Variants in ERG observed in about 807,000 individuals in gnomAD.
ERG encodes the protein ETS transcription factor ERG.
Under a neutral mutation model 55.3 loss-of-function variants are expected in ERG, and 9 were observed. That is an observed-to-expected ratio of 0.16 (90% CI 0.10 to 0.28). The LOEUF (loss-of-function observed/expected upper bound fraction) is 0.28. Ranked by LOEUF, ERG falls within the 10% of genes least tolerant of loss-of-function variation. The probability of loss-of-function intolerance (pLI) is 1.00; values close to 1 mark genes in which losing one functional copy is unlikely to be tolerated. For synonymous variants in ERG, 223 were observed against 237.3 expected, an observed-to-expected ratio of 0.94 and a Z score of 0.55; for missense variants, 434 against 631.6, an observed-to-expected ratio of 0.69 and a Z score of 3.35.
chr21:38,597,418 G>A (rs1280762541), intron 1 of ERG, among the ~76,000 whole-genome samples: 2 of 151,592 alleles, frequency 1.3e-5, no homozygotes, highest in Non-Finnish European at 2.9e-5. Context: ...AAAGATGGGT[G>A]TAATAAGATT....
chr21:38,603,210 C>T (rs11702164), intron 1 of ERG, among the ~76,000 whole-genome samples: 30,795 of 151,906 alleles, frequency 0.2, 3,808 homozygotes, highest in Non-Finnish European at 0.28. Flanking sequence ...CGAAACGCAG[C>T]TTACATCCAG....
intron 2 of ERG, among the ~76,000 whole-genome samples, chr21:38,522,038 A>G (rs1360263237): frequency 6.6e-6 from 1 of 152,226 alleles, no homozygotes; most frequent in African/African-American, 2.4e-5. Flanking sequence ...TACAATAACT[A>G]CAAGCTGTAT....
intron 3 of ERG, among the ~76,000 whole-genome samples, chr21:38,409,571 G>A (rs1988946118): frequency 6.6e-6 from 1 of 151,644 alleles, no homozygotes; most frequent in Admixed American, 6.6e-5. Context: ...CAGGAAAAAT[G>A]GGAAAGGCTT....
chr21:38,428,342 AC>A (rs1989939781), intron 2 of ERG, among the ~76,000 whole-genome samples: 1 of 152,144 alleles, frequency 6.6e-6, no homozygotes, highest in African/African-American at 2.4e-5. Flanking sequence ...CTCCACTGCA[AC>A]CCCACCTTCA....
At chr21:38,403,365 G>C in intron 4 of ERG, 141 bp downstream of exon 4, 1 of 764,076 alleles carries the variant, frequency 1.3e-6, no homozygotes, top group East Asian at 2.7e-5. Flanking sequence ...CACATACCAA[G>C]CATGTGGCTC....
At chr21:38,437,942 A>C (rs751687342) in intron 2 of ERG, among the ~76,000 whole-genome samples, 1 of 152,180 alleles carries the variant, frequency 6.6e-6, no homozygotes, top group African/African-American at 2.4e-5. Context: ...CAAGTCCCCT[A>C]ATGATTTCTG....
intron 1 of ERG, among the ~76,000 whole-genome samples, chr21:38,494,749 C>T (rs1280153018): frequency 6.6e-6 from 1 of 152,198 alleles, no homozygotes; most frequent in African/African-American, 2.4e-5. Context: ...GGAAGAAAAG[C>T]CCACAGATGG....
intron 6 of ERG, among the ~76,000 whole-genome samples, chr21:38,398,934 A>AT (rs1219265097): frequency 6.6e-6 from 1 of 152,050 alleles, no homozygotes; most frequent in African/African-American, 2.4e-5. Flanking sequence ...AAGTAAAAAA[A>AT]TTTTTAAAAC....
chr21:38,395,371 A>G (rs886759938), intron 6 of ERG: 2 of 225,976 alleles, frequency 8.9e-6, no homozygotes, highest in African/African-American at 4.5e-5. Flanking sequence ...TCCTCTATGT[A>G]TCTTTGCTAT....
At chr21:38,601,110 A>G (rs1231947850) in intron 1 of ERG, among the ~76,000 whole-genome samples, 1 of 152,220 alleles carries the variant, frequency 6.6e-6, no homozygotes, top group Non-Finnish European at 1.5e-5. Context: ...GACAGATGTC[A>G]AGGGGATCAC....
At chr21:38,659,157 A>G (rs1303015622) in intron 1 of ERG, among the ~76,000 whole-genome samples, 1 of 152,218 alleles carries the variant, frequency 6.6e-6, no homozygotes, top group African/African-American at 2.4e-5. Flanking sequence ...AAAGCCATTG[A>G]CCCAAACCGA....
At chr21:38,403,244 G>A (rs1043727205) in intron 4 of ERG, among the ~76,000 whole-genome samples, 1 of 152,084 alleles carries the variant, frequency 6.6e-6, no homozygotes, top group Non-Finnish European at 1.5e-5. Context: ...CTTCTTGGTC[G>A]CAGGACCCTG....
At chr21:38,532,318 C>T (rs2059678392) in intron 2 of ERG, among the ~76,000 whole-genome samples, 1 of 151,698 alleles carries the variant, frequency 6.6e-6, no homozygotes, top group African/African-American at 2.4e-5. Context: ...CCCCACCCAC[C>T]CACATAACAA....
chr21:38,569,410 C>T (rs1338303679), intron 2 of ERG, among the ~76,000 whole-genome samples: 1 of 152,232 alleles, frequency 6.6e-6, no homozygotes, highest in African/African-American at 2.4e-5. Context: ...CCCACCTTTC[C>T]TTGCAGCTAG....
chr21:38,544,173 C>T (rs761972668), intron 2 of ERG, among the ~76,000 whole-genome samples: 3 of 152,140 alleles, frequency 2.0e-5, no homozygotes, highest in African/African-American at 4.8e-5. Flanking sequence ...AGTGCAAAGG[C>T]CCTGGGGTGA....
chr21:38,436,880 CT>C (rs11324358), intron 2 of ERG, among the ~76,000 whole-genome samples: 123,611 of 147,260 alleles, frequency 0.84, 52,010 homozygotes, highest in East Asian at 0.96. Context: ...CTCTTAGTTC[CT>C]TTTTTTTTTC....
the ERG span, among the ~76,000 whole-genome samples, chr21:38,371,587 T>A: frequency 6.6e-6 from 1 of 152,062 alleles, no homozygotes; most frequent in Non-Finnish European, 1.5e-5. Context: ...AAGATATAGA[T>A]GCTTAATTTT....
At position 38,392,535 on chromosome 21, in the gene ERG, A is replaced by G. The variant is rs1286660668; in HGVS notation, c.746-91T>C. ...TTTATTTGATTTTGTATTTATTAGAATAAACTTTGTGCAAAAAAATCTGGT... is the reference window on the plus strand; with the variant it reads ...TTTATTTGATTTTGTATTTATTAGAGTAAACTTTGTGCAAAAAAATCTGGT... On this transcript the variant is annotated intron_variant, in intron 6 of 9. Transcript: ENST00000288319. 7 of 957,124 alleles carry G rather than the reference A, an allele frequency of 7.3e-6. No homozygotes were observed. The Admixed American group carries it at 1.0e-4, about 14-fold the overall frequency. The allele number at this position is 957,124 out of a possible 1,614,324, so 59.3% of individuals were successfully genotyped here.
At chr21:38,371,994 G>T in the ERG span, among the ~76,000 whole-genome samples, 1 of 151,982 alleles carries the variant, frequency 6.6e-6, no homozygotes, top group Non-Finnish European at 1.5e-5. Context: ...TGTGGGAAAA[G>T]CTATGACTAT....
Sources: gnomAD v4.1 joint callset for allele counts (sites outside exome capture counted in the v4.1 genomes callset) on GRCh38, gnomAD v4.1.1 for gene constraint, MANE v1.5 for transcripts, NCBI Gene and HGNC (gene_info 2026-07-23, HGNC 2026-07-21) for gene names.